Variants in HSD17B12 observed in about 807,000 individuals in gnomAD.
HSD17B12 encodes the protein very-long-chain 3-oxoacyl-CoA reductase.
Under a neutral mutation model 39.3 loss-of-function variants are expected in HSD17B12, and 32 were observed. The observed-to-expected ratio is 0.81, with a 90% CI of 0.61 to 1.09. The LOEUF (loss-of-function observed/expected upper bound fraction) is 1.09. HSD17B12 is among the 50% of genes least tolerant of loss of function. The pLI, the probability that HSD17B12 is intolerant of heterozygous loss-of-function variation, is 0.00. For synonymous variants in HSD17B12, 150 were observed against 146.7 expected (o/e 1.02, Z -0.16); for missense variants, 342 against 382.9 (o/e 0.89, Z 0.89).
At chr11:43,802,137 C>T (rs1163457817) in intron 4 of HSD17B12, among the ~76,000 whole-genome samples, 1 of 151,984 alleles carries the variant, frequency 6.6e-6, no homozygotes, top group Admixed American at 6.6e-5. Context: ...AGGTGGCTGC[C>T]ACCATGCCTG....
chr11:43,574,966 C>T, the HSD17B12 span, among the ~76,000 whole-genome samples: 1 of 152,150 alleles, frequency 6.6e-6, no homozygotes, highest in African/African-American at 2.4e-5. Flanking sequence ...GGGTGGAGAG[C>T]AGAGGGGAAA....
chr11:43,721,691 G>T (rs1226876924), intron 1 of HSD17B12, among the ~76,000 whole-genome samples: 1 of 152,100 alleles, frequency 6.6e-6, no homozygotes, highest in Non-Finnish European at 1.5e-5. Flanking sequence ...TGGGCTTGGG[G>T]TGTTTGAGGA....
chr11:43,730,263 A>G (rs951994749), intron 1 of HSD17B12, among the ~76,000 whole-genome samples: 1 of 152,196 alleles, frequency 6.6e-6, no homozygotes, highest in African/African-American at 2.4e-5. Context: ...ATCCACCACT[A>G]TTGTATGTAG....
the HSD17B12 span, among the ~76,000 whole-genome samples, chr11:43,604,122 C>A: frequency 2.0e-5 from 3 of 151,998 alleles, no homozygotes; most frequent in Admixed American, 1.3e-4. Context: ...TATTAATTCC[C>A]AGATATATTT....
At chr11:43,709,907 C>T (rs1590680806) in intron 1 of HSD17B12, among the ~76,000 whole-genome samples, 1 of 152,178 alleles carries the variant, frequency 6.6e-6, no homozygotes, top group East Asian at 1.9e-4. Context: ...GTGAGGGTTA[C>T]AGAGGCACGT....
chr11:43,707,162 C>A (rs1950024239), intron 1 of HSD17B12, among the ~76,000 whole-genome samples: 1 of 152,192 alleles, frequency 6.6e-6, no homozygotes, highest in Non-Finnish European at 1.5e-5. Context: ...ATGTCAGACG[C>A]TTTGCAATGC....
intron 1 of HSD17B12, among the ~76,000 whole-genome samples, chr11:43,684,086 TA>T (rs1317533191): frequency 6.6e-6 from 1 of 152,242 alleles, no homozygotes; most frequent in Non-Finnish European, 1.5e-5. Context: ...GCCCACACTC[TA>T]ATTTATCTCC....
At chr11:43,640,157 T>C in the HSD17B12 span, among the ~76,000 whole-genome samples, 3 of 152,040 alleles carry the variant, frequency 2.0e-5, no homozygotes, top group African/African-American at 7.2e-5. Flanking sequence ...GGTGGATTCA[T>C]AGAAGAAATA....
chr11:43,630,305 C>T, the HSD17B12 span, among the ~76,000 whole-genome samples: 1 of 152,124 alleles, frequency 6.6e-6, no homozygotes, highest in Non-Finnish European at 1.5e-5. Flanking sequence ...GAAAATTGGA[C>T]TAGATGATCT....
At chr11:43,809,418 A>C (rs1951048201) in intron 4 of HSD17B12, among the ~76,000 whole-genome samples, 1 of 152,208 alleles carries the variant, frequency 6.6e-6, no homozygotes, top group South Asian at 2.1e-4. Context: ...TCAAAAATTT[A>C]AGACAGGAAG....
At chr11:43,576,960 A>T in the HSD17B12 span, among the ~76,000 whole-genome samples, 1 of 152,030 alleles carries the variant, frequency 6.6e-6, no homozygotes, top group African/African-American at 2.4e-5. Flanking sequence ...GTCTTAAAGG[A>T]TGGCCAGACA....
intron 1 of HSD17B12, among the ~76,000 whole-genome samples, chr11:43,743,492 G>T (rs147415016): frequency 6.6e-6 from 1 of 152,272 alleles, no homozygotes; most frequent in Non-Finnish European, 1.5e-5. Context: ...ACAGGAATTG[G>T]AAGTATCAGG....
Position 43,798,348 on chromosome 11 carries a change from C to T in HSD17B12, c.312C>T (p.Thr104=). The part of the protein sequence containing the change: ...IKEKFKVETR[T]IAVDFASEDI... The stretch of plus-strand genomic sequence containing the variant: ...AAAAATTCAAAGTGGAGACAAGAAC[C>T]ATTGCTGTTGACTTTGCATCAGAAG... The change falls in exon 4 of 11, where the codon ACC becomes ACT. Residue 104 remains threonine (T), a synonymous_variant. Coordinates refer to ENST00000278353, the MANE Select transcript of HSD17B12 (RefSeq NM_016142.3). The T allele has an allele frequency of 1.2e-6, 2 of 1,611,396 alleles. No individual in the cohort carries two copies. Among genetic ancestry groups the T allele is most frequent in the South Asian group, 1.1e-5 (1 of 90,812 alleles).
At chr11:43,601,846 A>G in the HSD17B12 span, among the ~76,000 whole-genome samples, 1 of 152,216 alleles carries the variant, frequency 6.6e-6, no homozygotes, top group African/African-American at 2.4e-5. Context: ...CACCAGGTTT[A>G]GAATGTTCAG....
intron 1 of HSD17B12, chr11:43,734,234 G>T: frequency 6.9e-7 from 1 of 1,454,772 alleles, no homozygotes. Flanking sequence ...AGCCACCTTT[G>T]GGTTCATCCT....
At chr11:43,681,855 C>T (rs1408079932) in intron 1 of HSD17B12, among the ~76,000 whole-genome samples, 1 of 139,078 alleles carries the variant, frequency 7.2e-6, no homozygotes, top group East Asian at 2.4e-4. Flanking sequence ...CTTTTTCAAC[C>T]TATTTTGTTT....
At chr11:43,658,350 G>T in the HSD17B12 span, among the ~76,000 whole-genome samples, 1 of 151,968 alleles carries the variant, frequency 6.6e-6, no homozygotes, top group East Asian at 1.9e-4. Context: ...TCCTCCTTTA[G>T]GTCGGAGTAG....
At chr11:43,746,923 G>A (rs1342415264) in intron 1 of HSD17B12, among the ~76,000 whole-genome samples, 1 of 152,204 alleles carries the variant, frequency 6.6e-6, no homozygotes, top group African/African-American at 2.4e-5. Flanking sequence ...ACATTGTTAT[G>A]CAGCTGCTGA....
At position 43,855,386 on chromosome 11, in the gene HSD17B12, G is replaced by T; in HGVS notation, c.*138G>T. 2.1e-6 allele frequency: 1 copy of T among 481,706 alleles called. No individual in the cohort carries two copies. The highest frequency in any genetic ancestry group is 3.9e-5 in the Admixed American group (1 of 25,612). 29.8% of individuals were successfully genotyped at this position (481,706 alleles called of 1,614,324 possible). On this transcript the variant is annotated 3_prime_UTR_variant, in exon 11 of 11. Transcript: ENST00000278353. ...TGACTAAATATTATCTTAATTAAGA[G>T]GAAAATAGAAGTTGCTTTTAGGGGT...
Sources: gnomAD v4.1 joint callset for allele counts (sites outside exome capture counted in the v4.1 genomes callset) on GRCh38, gnomAD v4.1.1 for gene constraint, MANE v1.5 for transcripts, NCBI Gene and HGNC (gene_info 2026-07-23, HGNC 2026-07-21) for gene names.